The following GPHN variants were observed in gnomAD, a reference collection of about 807,000 sequenced individuals.
GPHN encodes gephyrin.
Under a neutral mutation model 95.5 loss-of-function variants are expected in GPHN, and 17 were observed. The ratio of observed to expected loss-of-function variants is 0.18; its 90% CI spans 0.12 to 0.27. The LOEUF is 0.27. Among genes scored for constraint, GPHN ranks in the 10% least tolerant of loss-of-function variants. The probability of loss-of-function intolerance (pLI) is 1.00; values close to 1 mark genes in which losing one functional copy is unlikely to be tolerated. For missense variants in GPHN, 660 were observed against 978.1 expected (o/e 0.67, Z 4.34); for synonymous variants, 320 against 322.5 (o/e 0.99, Z 0.08).
At chr14:66,667,675 G>A (rs1247644373) in intron 1 of GPHN, among the ~76,000 whole-genome samples, 1 of 152,130 alleles carries the variant, frequency 6.6e-6, no homozygotes, top group Non-Finnish European at 1.5e-5. Flanking sequence ...AGACTTAAGT[G>A]TAAAACCCGA....
intron 17 of GPHN, among the ~76,000 whole-genome samples, chr14:67,142,063 TG>T: frequency 6.6e-6 from 1 of 152,256 alleles, no homozygotes; most frequent in South Asian, 2.1e-4. Context: ...AGAATACAGC[TG>T]GGCCTCAAGG....
the GPHN span, among the ~76,000 whole-genome samples, chr14:67,707,489 C>T: frequency 1.3e-5 from 2 of 152,030 alleles, no homozygotes; most frequent in Admixed American, 6.6e-5. Context: ...AGTGCAGTGG[C>T]GTGATCTCAG....
chr14:67,254,463 C>G, the GPHN span, among the ~76,000 whole-genome samples: 9 of 152,186 alleles, frequency 5.9e-5, no homozygotes, highest in South Asian at 1.7e-3. Context: ...TTACTCATAC[C>G]CTCAGTCAGC....
At chr14:67,727,918 C>G in the GPHN span, 1 of 152,632 alleles carries the variant, frequency 6.6e-6, no homozygotes, top group South Asian at 2.1e-4. Flanking sequence ...ATCTGAGCTA[C>G]AGAGCTGCCA....
intron 16 of GPHN, among the ~76,000 whole-genome samples, chr14:67,121,626 AT>A (rs2079014112): frequency 6.6e-6 from 1 of 152,152 alleles, no homozygotes; most frequent in Non-Finnish European, 1.5e-5. Flanking sequence ...AGCTTCGTTA[AT>A]TTTCTTCGTA....
the GPHN span, among the ~76,000 whole-genome samples, chr14:67,732,286 A>G: frequency 2.0e-5 from 3 of 151,580 alleles, no homozygotes; most frequent in Non-Finnish European, 4.4e-5. Context: ...AAAAATCAAA[A>G]AATTAGCCCA....
intron 2 of GPHN, among the ~76,000 whole-genome samples, chr14:66,740,682 T>G (rs1268205609): frequency 1.3e-5 from 2 of 152,220 alleles, no homozygotes; most frequent in African/African-American, 4.8e-5. Context: ...GACTGATATT[T>G]GGCTCTTATA....
chr14:67,733,704 A>G, the GPHN span: 1 of 1,336,784 alleles, frequency 7.5e-7, no homozygotes, highest in Non-Finnish European at 1.1e-6. Flanking sequence ...CCAGACTGCT[A>G]ATTCTCATTC....
intron 2 of GPHN, among the ~76,000 whole-genome samples, chr14:66,684,629 G>A (rs1002975717): frequency 1.3e-5 from 2 of 152,138 alleles, no homozygotes; most frequent in African/African-American, 2.4e-5. Context: ...TTGTTACTGG[G>A]CTTGAATGAA....
chr14:67,056,178 T>C (rs1005966651), intron 10 of GPHN, among the ~76,000 whole-genome samples: 1 of 152,260 alleles, frequency 6.6e-6, no homozygotes. Context: ...ATCCTGCCAA[T>C]TGGCCCATTT....
chr14:66,830,392 G>C (rs946629438), intron 4 of GPHN, among the ~76,000 whole-genome samples: 4 of 151,918 alleles, frequency 2.6e-5, no homozygotes, highest in Non-Finnish European at 5.9e-5. Context: ...ATAATATATA[G>C]AATTCTGCAC....
At chr14:67,511,925 T>C in the GPHN span, among the ~76,000 whole-genome samples, 98,010 of 152,116 alleles carry the variant, frequency 0.64, 33,087 homozygotes, top group Non-Finnish European at 0.76. Flanking sequence ...TATCTGTGGA[T>C]GTGTGTGTCG....
chr14:67,289,340 T>C, the GPHN span, among the ~76,000 whole-genome samples: 1 of 152,212 alleles, frequency 6.6e-6, no homozygotes, highest in South Asian at 2.1e-4. Context: ...CAATACAATA[T>C]AACAGCTATT....
At chr14:66,575,587 G>T (rs545877596) in intron 1 of GPHN, among the ~76,000 whole-genome samples, 1 of 152,258 alleles carries the variant, frequency 6.6e-6, no homozygotes, top group African/African-American at 2.4e-5. Context: ...CTGGCTTAGT[G>T]CCCATGTCAG....
intron 5 of GPHN, among the ~76,000 whole-genome samples, chr14:66,900,616 C>T (rs1331871471): frequency 6.6e-6 from 1 of 151,832 alleles, no homozygotes; most frequent in African/African-American, 2.4e-5. Flanking sequence ...TTTTAGCCCC[C>T]ACATTATGAG....
At chr14:66,525,246 G>C (rs1481312075) in intron 1 of GPHN, among the ~76,000 whole-genome samples, 1 of 152,190 alleles carries the variant, frequency 6.6e-6, no homozygotes, top group Admixed American at 6.6e-5. Context: ...GTAATGACCA[G>C]TGATGATGAG....
At chr14:67,696,148 G>GA in the GPHN span, among the ~76,000 whole-genome samples, 140 of 148,180 alleles carry the variant, frequency 9.4e-4, no homozygotes, top group Admixed American at 2.1e-3. Context: ...GATTTTTCTG[G>GA]AAAAAAAAAA....
chr14:67,019,554 A>C (rs535874316), intron 9 of GPHN, among the ~76,000 whole-genome samples: 1 of 152,328 alleles, frequency 6.6e-6, no homozygotes, highest in Non-Finnish European at 1.5e-5. Context: ...CCTGCAATCA[A>C]ATGTAATTTC....
At chr14:67,655,028 CAAA>C in the GPHN span, among the ~76,000 whole-genome samples, 8 of 43,474 alleles carry the variant, frequency 1.8e-4, no homozygotes, top group East Asian at 4.6e-3. Flanking sequence ...GACTCCATCT[CAAA>C]AAAAAAAAAA....
Sources: gnomAD v4.1 joint callset for allele counts (sites outside exome capture counted in the v4.1 genomes callset) on GRCh38, gnomAD v4.1.1 for gene constraint, MANE v1.5 for transcripts, NCBI Gene and HGNC (gene_info 2026-07-23, HGNC 2026-07-21) for gene names.